The following MEOX2 variants were observed in gnomAD, a reference collection of about 807,000 sequenced individuals.
The protein encoded by MEOX2 is mesenchyme homeobox 2.
Under a neutral mutation model 27.0 loss-of-function variants are expected in MEOX2, and 11 were observed. The observed-to-expected ratio is 0.41, with a 90% CI of 0.26 to 0.68. The LOEUF (loss-of-function observed/expected upper bound fraction) is 0.68. MEOX2 is among the 30% of genes least tolerant of loss of function. The pLI is 0.33. For missense variants in MEOX2, 436 were observed against 385.4 expected, an observed-to-expected ratio of 1.13 and a Z score of -1.10; for synonymous variants, 189 against 155.4, an observed-to-expected ratio of 1.22 and a Z score of -1.61.
chr7:15,639,215 T>C (rs1781526113), intron 1 of MEOX2, among the ~76,000 whole-genome samples: 1 of 152,184 alleles, frequency 6.6e-6, no homozygotes, highest in African/African-American at 2.4e-5. Context: ...TATTTGTATT[T>C]CACTGATGAT....
intron 1 of MEOX2, among the ~76,000 whole-genome samples, chr7:15,632,228 A>G (rs1402996976): frequency 2.0e-5 from 3 of 151,724 alleles, no homozygotes; most frequent in Non-Finnish European, 4.4e-5. Context: ...TTTTGAGGTG[A>G]TGGAAGTTAC....
At chr7:15,685,037 G>T (rs1583800730) in intron 1 of MEOX2, among the ~76,000 whole-genome samples, 1 of 152,006 alleles carries the variant, frequency 6.6e-6, no homozygotes, top group Middle Eastern at 3.4e-3. Context: ...GCGCACCCTT[G>T]CATACCCCTT....
Position 15,686,074 on chromosome 7 carries a change from A to T in MEOX2, c.329T>A (p.Leu110His). ...TGGGGGCCCTCCAGAGTCGGGCTGGAGGCAGAGGCTGTGCCGAGCCGCACT... is the reference window on the plus strand; with the variant it reads ...TGGGGGCCCTCCAGAGTCGGGCTGGTGGCAGAGGCTGTGCCGAGCCGCACT... ...PPSAARHSLCLQPDSGGPPEL... is the reference protein window; with the variant it reads ...PPSAARHSLCHQPDSGGPPEL... Residue 110 changes from leucine (L) to histidine (H), a missense_variant, in exon 1 of 3, where the codon CTC becomes CAC. Transcript: ENST00000262041. The T allele has an allele frequency of 6.3e-7, 1 of 1,595,224 alleles. No individual in the cohort carries two copies. Among genetic ancestry groups the T allele is most frequent in the South Asian group, 1.1e-5 (1 of 89,900 alleles).
At chr7:15,685,466 C>T (rs1270010038) in intron 1 of MEOX2, among the ~76,000 whole-genome samples, 1 of 152,114 alleles carries the variant, frequency 6.6e-6, no homozygotes, top group African/African-American at 2.4e-5. Flanking sequence ...AAAATCGAGC[C>T]ACTCAGAGTC....
chr7:15,660,274 G>A lies in MEOX2; in HGVS notation c.517+25612C>T, dbSNP rs147381368. ...CTAAAACTAGCCCATGGAGAACACCGGAGAATGGTAGAAAAAATTAGCAGG... is the reference window on the plus strand; with the variant it reads ...CTAAAACTAGCCCATGGAGAACACCAGAGAATGGTAGAAAAAATTAGCAGG... On this transcript the variant is annotated intron_variant, in intron 1 of 2. Coordinates refer to ENST00000262041, the MANE Select transcript of MEOX2 (RefSeq NM_005924.5). 4.4e-3 allele frequency among the ~76,000 whole-genome samples: 677 copies of A among 152,246 alleles called. 7 individuals carry two copies. Among genetic ancestry groups the A allele is most frequent in the Middle Eastern group, 0.027 (8 of 294 alleles).
At chr7:15,622,314 TAC>T (rs950766877) in intron 2 of MEOX2, among the ~76,000 whole-genome samples, 3 of 152,020 alleles carry the variant, frequency 2.0e-5, no homozygotes, top group Non-Finnish European at 4.4e-5. Flanking sequence ...TGTGTATATT[TAC>T]ACACACACAC....
At chr7:15,674,749 T>C (rs1225198224) in intron 1 of MEOX2, among the ~76,000 whole-genome samples, 2 of 152,230 alleles carry the variant, frequency 1.3e-5, no homozygotes, top group East Asian at 3.9e-4. Context: ...GGTTACACAG[T>C]TCATTGTATT....
At chr7:15,625,648 G>C (rs1013510219) in intron 2 of MEOX2, among the ~76,000 whole-genome samples, 5 of 152,250 alleles carry the variant, frequency 3.3e-5, no homozygotes, top group Non-Finnish European at 5.9e-5. Flanking sequence ...GAGGAAATGA[G>C]ACTCTAGCCC....
At chr7:15,681,887 A>G (rs1004312816) in intron 1 of MEOX2, 5 of 151,900 alleles carry the variant, frequency 3.3e-5, no homozygotes, top group Admixed American at 3.3e-4. Flanking sequence ...TAAATGAAGA[A>G]ATTTACACAG....
intron 1 of MEOX2, among the ~76,000 whole-genome samples, chr7:15,644,875 G>C (rs935660003): frequency 6.6e-6 from 1 of 152,126 alleles, no homozygotes; most frequent in African/African-American, 2.4e-5. Context: ...AGTAAGCTAA[G>C]GTGACTTCAA....
At chr7:15,614,863 TA>T (rs1781098064) in intron 2 of MEOX2, among the ~76,000 whole-genome samples, 1 of 152,114 alleles carries the variant, frequency 6.6e-6, no homozygotes, top group Non-Finnish European at 1.5e-5. Flanking sequence ...TCCAAAGACA[TA>T]ATTATATCAG....
intron 2 of MEOX2, among the ~76,000 whole-genome samples, chr7:15,616,789 T>C (rs1014136071): frequency 3.3e-5 from 5 of 151,996 alleles, no homozygotes; most frequent in Non-Finnish European, 5.9e-5. Flanking sequence ...TATTCATTCA[T>C]TCATACATTT....
At chr7:15,640,062 T>C (rs746097694) in intron 1 of MEOX2, among the ~76,000 whole-genome samples, 4 of 152,174 alleles carry the variant, frequency 2.6e-5, no homozygotes, top group Non-Finnish European at 4.4e-5. Context: ...AATCTGTAGA[T>C]CACTTTGGGC....
intron 2 of MEOX2, among the ~76,000 whole-genome samples, chr7:15,615,995 T>G (rs1781117652): frequency 6.6e-6 from 1 of 151,968 alleles, no homozygotes; most frequent in Non-Finnish European, 1.5e-5. Flanking sequence ...TGGTATTGAT[T>G]TTAGATATAT....
chr7:15,614,994 C>T (rs1397677170), intron 2 of MEOX2, among the ~76,000 whole-genome samples: 1 of 151,940 alleles, frequency 6.6e-6, no homozygotes, highest in African/African-American at 2.4e-5. Flanking sequence ...AATCATGTAT[C>T]ATATATTGCC....
At chr7:15,669,475 G>A (rs1483578384) in intron 1 of MEOX2, among the ~76,000 whole-genome samples, 1 of 152,148 alleles carries the variant, frequency 6.6e-6, no homozygotes, top group Non-Finnish European at 1.5e-5. Flanking sequence ...AATGTGTAGC[G>A]TTAATACTAC....
At chr7:15,668,401 G>A (rs935120718) in intron 1 of MEOX2, 2 of 152,170 alleles carry the variant, frequency 1.3e-5, no homozygotes, top group African/African-American at 4.8e-5. Flanking sequence ...CATTAAAAAT[G>A]TGTGTTAATC....
At chr7:15,643,856 TG>T (rs1457667724) in intron 1 of MEOX2, among the ~76,000 whole-genome samples, 1 of 152,180 alleles carries the variant, frequency 6.6e-6, no homozygotes, top group African/African-American at 2.4e-5. Flanking sequence ...CCTGGGGCAC[TG>T]GGACCAGACC....
intron 2 of MEOX2, among the ~76,000 whole-genome samples, chr7:15,616,483 A>C (rs1461326643): frequency 6.6e-6 from 1 of 152,010 alleles, no homozygotes; most frequent in Non-Finnish European, 1.5e-5. Flanking sequence ...CCAGGTTATA[A>C]ATCAATATTG....
Sources: allele counts gnomAD v4.1 joint callset (sites outside exome capture counted in the v4.1 genomes callset), GRCh38; gene constraint gnomAD v4.1.1; transcripts MANE v1.5; gene names NCBI Gene and HGNC (gene_info 2026-07-23, HGNC 2026-07-21).